The following TSPOAP1 variants were observed in gnomAD, a reference collection of about 807,000 sequenced individuals.
TSPOAP1 encodes peripheral-type benzodiazepine receptor-associated protein 1.
A neutral mutation model predicts 197.0 loss-of-function variants in TSPOAP1; 87 were observed. That is an observed-to-expected ratio of 0.44 (90% confidence interval 0.37 to 0.53). The LOEUF is 0.53. TSPOAP1 is among the 20% of genes least tolerant of loss of function. The probability of loss-of-function intolerance (pLI) is 0.00; values close to 1 mark genes in which losing one functional copy is unlikely to be tolerated. For synonymous variants in TSPOAP1, 913 were observed against 998.9 expected (o/e 0.91, Z 1.62); for missense variants, 2,174 against 2,411.3 (o/e 0.90, Z 2.06).
chr17:58,319,984 C>A lies in TSPOAP1; in HGVS notation c.1494+125G>T, dbSNP rs971003158. The A allele has an allele frequency of 6.9e-6, 9 of 1,300,146 alleles. No individual in the cohort carries two copies. In the African/African-American group the frequency reaches 1.0e-4, roughly 15 times the overall value. The allele number at this position is 1,300,146 out of a possible 1,614,324, so 80.5% of individuals were successfully genotyped here. A position where few individuals can be genotyped will look rare whatever the true frequency, so the allele number is the denominator to read the frequency against. ...GTGGGAACTCCACCCCCTATGGATT[C>A]TCATGCCTGCTCCCAGTGACACCCC... On this transcript the variant is annotated intron_variant, in intron 12 of 31. Transcript: ENST00000343736.
Position 58,301,867 on chromosome 17 carries a change from A to G in TSPOAP1, c.*613T>C, listed in dbSNP as rs896628828. 2 of 161,992 alleles carry G rather than the reference A, an allele frequency of 1.2e-5. No homozygotes were observed. The highest frequency in any genetic ancestry group is 1.2e-4 in the Admixed American group (2 of 16,966). 10.0% of individuals were successfully genotyped at this position (161,992 alleles called of 1,614,324 possible). On this transcript the variant is annotated 3_prime_UTR_variant, in exon 32 of 32. Coordinates refer to ENST00000343736, the MANE Select transcript of TSPOAP1 (RefSeq NM_004758.4). ...CAGGATCAGGACAGCCAGAGCCATC[A>G]GGGGGCACAGGCTCCTTTCTCCCTC...
At chr17:58,303,968 A>T (rs1295464763) in intron 31 of TSPOAP1, 1 of 170,096 alleles carries the variant, frequency 5.9e-6, no homozygotes, top group Non-Finnish European at 1.3e-5. Flanking sequence ...AATAATTATG[A>T]TATTATAATA....
rs1356920759 is a variant in TSPOAP1 at position 58,304,427 on chromosome 17, T to C, written c.5545-28A>G. On this transcript the variant is annotated intron_variant, in intron 30 of 31. Transcript: ENST00000343736. This position sits in a 1 kb window ranked among gnomAD's most constrained non-coding sequence, Gnocchi z 4.2. Reference sequence around the variant, plus strand: ...GAGGACAGGGAACAAAGAGAGGAGATGGGTTACCGACAGACCCGCACCTTC... The same window carrying C: ...GAGGACAGGGAACAAAGAGAGGAGACGGGTTACCGACAGACCCGCACCTTC... 6.2e-7 allele frequency: 1 copy of C among 1,603,416 alleles called. No individual in the cohort carries two copies. The highest frequency in any genetic ancestry group is 1.1e-5 in the South Asian group (1 of 90,892).
intron 22 of TSPOAP1, 69 bp downstream of exon 22, chr17:58,308,472 G>C: frequency 6.7e-7 from 1 of 1,486,634 alleles, no homozygotes; most frequent in Non-Finnish European, 8.9e-7. Flanking sequence ...GGAGCTGCTG[G>C]TGGGCAGCAA....
At chr17:58,316,353 G>A (rs2074630) in intron 15 of TSPOAP1, 72 bp downstream of exon 15, 130,635 of 1,394,042 alleles carry the variant, frequency 0.094, 6,642 homozygotes, top group East Asian at 0.11. Flanking sequence ...GAGGTCTCCA[G>A]CTCCACCCGG....
Position 58,316,037 on chromosome 17 carries a change from T to C in TSPOAP1, c.2084A>G (p.Asp695Gly), listed in dbSNP as rs745867748. The C allele has an allele frequency of 1.2e-6, 2 of 1,613,810 alleles. No homozygotes were observed. The highest frequency in any genetic ancestry group is 1.1e-5 in the South Asian group (1 of 91,078). ...YIYIYGNMDE[D>G]GFFEGELMDG... is the part of the protein sequence containing the mutation. ...TACATTCCTACCTTCAAAAAAGCCA[T>C]CCTCATCCATGTTGCCATAGATGTA... The change falls in exon 16 of 32, where the codon GAT becomes GGT. Residue 695 changes from aspartate to glycine, a missense_variant. This residue lies in a region of TSPOAP1 where 1,933 missense variants were observed against 2,139.0 expected (regional missense o/e 0.90). Transcript: ENST00000343736.
chr17:58,304,749 C>G lies in TSPOAP1; in HGVS notation c.5544+312G>C. On this transcript the variant is annotated intron_variant, in intron 30 of 31. Transcript: ENST00000343736. The surrounding 1 kb of genome is among the most constrained non-coding windows in gnomAD (Gnocchi z 4.2). ...CTGAAACAGGGACTTTGATTGGCCACAGGTGTGAGGCAGAGGGGTCCTTTT... is the reference window on the plus strand; with the variant it reads ...CTGAAACAGGGACTTTGATTGGCCAGAGGTGTGAGGCAGAGGGGTCCTTTT... 1 of 575,114 alleles carries G rather than the reference C, an allele frequency of 1.7e-6. No individual in the cohort carries two copies. Among genetic ancestry groups the G allele is most frequent in the South Asian group, 2.0e-5 (1 of 51,078 alleles). 35.6% of individuals were successfully genotyped at this position (575,114 alleles called of 1,614,324 possible).
chr17:58,325,477 A>T, intron 4 of TSPOAP1, 57 bp downstream of exon 4: 1 of 1,599,942 alleles, frequency 6.3e-7, no homozygotes, highest in Non-Finnish European at 8.5e-7. Flanking sequence ...ATCCCACAAC[A>T]GGCAGATGGC....
intron 24 of TSPOAP1, 179 bp downstream of exon 24, chr17:58,307,432 G>T: frequency 1.3e-6 from 1 of 777,690 alleles, no homozygotes; most frequent in Non-Finnish European, 2.0e-6. Context: ...AGGGGGCCTA[G>T]GTAATCTACT....
chr17:58,304,714 T>C lies in TSPOAP1; in HGVS notation c.5545-315A>G. On this transcript the variant is annotated intron_variant, in intron 30 of 31. Coordinates refer to ENST00000343736, the MANE Select transcript of TSPOAP1 (RefSeq NM_004758.4). This position sits in a 1 kb window ranked among gnomAD's most constrained non-coding sequence, Gnocchi z 4.2. The stretch of plus-strand genomic sequence containing the variant: ...GGAGGTATGGAGACCACCCCCAGGG[T>C]GGGAGTGTCCTGAAACAGGGACTTT... 1 of 564,404 alleles carries C rather than the reference T, an allele frequency of 1.8e-6. No homozygotes were observed. Among genetic ancestry groups the C allele is most frequent in the Non-Finnish European group, 3.2e-6 (1 of 312,526 alleles). 35.0% of individuals were successfully genotyped at this position (564,404 alleles called of 1,614,324 possible). A position where few individuals can be genotyped will look rare whatever the true frequency, so the allele number is the denominator to read the frequency against.
chr17:58,312,149 T>C lies in TSPOAP1; in HGVS notation c.2672A>G (p.His891Arg), dbSNP rs1971093588. The C allele has an allele frequency of 1.2e-6, 2 of 1,613,180 alleles. No homozygotes were observed. Among genetic ancestry groups the C allele is most frequent in the Non-Finnish European group, 1.7e-6 (2 of 1,179,998 alleles). ...AGVVPSQLRV[H>R]RLTATSAEIT... ...CTCAGCAGATGTGGCTGTCAACCGA[T>C]GGACCCGCAGCTGGCTGGGCACCAC... Residue 891 changes from histidine (H) to arginine (R), a missense_variant, in exon 17 of 32, where the codon CAT becomes CGT. Transcript: ENST00000343736.
At chr17:58,325,437 T>C in intron 4 of TSPOAP1, 97 bp downstream of exon 4, 1 of 1,493,278 alleles carries the variant, frequency 6.7e-7, no homozygotes, top group Non-Finnish European at 9.1e-7. Flanking sequence ...ACCCTCCCTT[T>C]CATTTGCGTC....
Position 58,326,933 on chromosome 17 carries a change from G to C in TSPOAP1, c.334-143C>G, listed in dbSNP as rs1352857318. The C allele has an allele frequency of 1.4e-6, 1 of 695,542 alleles. No individual in the cohort carries two copies. The highest frequency in any genetic ancestry group is 2.7e-5 in the East Asian group (1 of 36,800). The allele number at this position is 695,542 out of a possible 1,614,324, so 43.1% of individuals were successfully genotyped here. A position where few individuals can be genotyped will look rare whatever the true frequency, so the allele number is the denominator to read the frequency against. On this transcript the variant is annotated intron_variant, in intron 1 of 31. Coordinates refer to ENST00000343736, the MANE Select transcript of TSPOAP1 (RefSeq NM_004758.4). This position sits in a 1 kb window ranked among gnomAD's most constrained non-coding sequence, Gnocchi z 4.7. The stretch of plus-strand genomic sequence containing the variant: ...CCCCTATGTCCCAGGCCTTCAGAGA[G>C]GAGCAGAGGAGGCCTAGGAGAAGGA...
At position 58,309,221 on chromosome 17, in the gene TSPOAP1, C is replaced by T. The variant is rs1308903868; in HGVS notation, c.4051G>A (p.Gly1351Ser). The T allele has an allele frequency of 1.2e-6, 2 of 1,614,038 alleles. No individual in the cohort carries two copies. Among genetic ancestry groups the T allele is most frequent in the Non-Finnish European group, 1.7e-6 (2 of 1,180,002 alleles). Residue 1351 changes from glycine (G) to serine (S), a missense_variant, in exon 22 of 32, where the codon GGC (glycine) becomes AGC (serine). By Grantham distance (56) the Gly-to-Ser change is moderately conservative. Around this residue, in one of 5 missense-constraint regions of TSPOAP1, gnomAD observed 1,933 missense variants for 2,139.0 expected, o/e 0.90. Coordinates refer to ENST00000343736, the MANE Select transcript of TSPOAP1 (RefSeq NM_004758.4). This position sits in a 1 kb window ranked among gnomAD's most constrained non-coding sequence, Gnocchi z 5.0. ...EDEEEEKSGAGCSSRDPGPPE... is the reference protein window; with the variant it reads ...EDEEEEKSGASCSSRDPGPPE... ...GGGCCAGGGTCTCGGGAAGAACAGC[C>T]TGCCCCTGACTTCTCCTCCTCCTCG...
rs780728505 is a variant in TSPOAP1, at chr17:58,318,273, C to A, written c.1872+7G>T. 2 of 1,613,680 alleles carry A rather than the reference C, an allele frequency of 1.2e-6. No homozygotes were observed. The highest frequency in any genetic ancestry group is 1.3e-5 in the African/African-American group (1 of 74,944). ...GCCAGAACTTCAGGCCCCACCCCAG[C>A]AATTACCTCAGGTGTAGGGCATGAC... On this transcript the variant is annotated splice_region_variant and intron_variant, in intron 14 of 31. Coordinates refer to ENST00000343736, the MANE Select transcript of TSPOAP1 (RefSeq NM_004758.4).
Position 58,326,200 on chromosome 17 carries a change from G to A in TSPOAP1, c.570+93C>T, listed in dbSNP as rs570365544. On this transcript the variant is annotated intron_variant, in intron 3 of 31. Transcript: ENST00000343736. The surrounding 1 kb of genome is among the most constrained non-coding windows in gnomAD (Gnocchi z 4.7). Reference sequence around the variant, plus strand: ...CTTTCCTAGGTGCTGAGCTGAGACCGTGACTCCCAAGCTTCAGACAGCCCT... The same window carrying A: ...CTTTCCTAGGTGCTGAGCTGAGACCATGACTCCCAAGCTTCAGACAGCCCT... The A allele has an allele frequency of 1.6e-4, 248 of 1,553,402 alleles. No individual in the cohort carries two copies. The highest frequency in any genetic ancestry group is 1.6e-4 in the East Asian group (7 of 44,484).
At chr17:58,323,161 C>CAGGAA (rs1404215051) in intron 7 of TSPOAP1, 122 bp from the exon 8 acceptor site, 15 of 1,469,286 alleles carry the variant, frequency 1.0e-5, no homozygotes, top group Non-Finnish European at 1.4e-5. Flanking sequence ...CTGCACCAGC[C>CAGGAA]AGGAAAGGAA....
chr17:58,325,817 GT>G (rs1567852187), intron 3 of TSPOAP1, 104 bp from the exon 4 acceptor site: 1 of 1,258,716 alleles, frequency 7.9e-7, no homozygotes, highest in Non-Finnish European at 1.1e-6. Context: ...ACCTAGGGGG[GT>G]AGCCACCTGC....
chr17:58,305,486 G>A, intron 28 of TSPOAP1, 28 bp from the exon 29 acceptor site: 1 of 1,613,140 alleles, frequency 6.2e-7, no homozygotes, highest in Non-Finnish European at 8.5e-7. Context: ...AGGGCATCAG[G>A]CCCAGGAAGG....
Sources: gnomAD v4.1 joint callset for allele counts on GRCh38, gnomAD v4.1.1 for gene constraint, gnomAD v4.1.1 regional missense constraint, Gnocchi (gnomAD v3.1) non-coding constraint, MANE v1.5 for transcripts, NCBI Gene and HGNC (gene_info 2026-07-23, HGNC 2026-07-21) for gene names.